The following FAM221B variants were observed in gnomAD, a reference collection of about 807,000 sequenced individuals.
The protein encoded by FAM221B is family with sequence similarity 221 member B, also known as protein FAM221B.
Under a neutral mutation model 39.8 loss-of-function variants are expected in FAM221B, and 35 were observed. The ratio of observed to expected loss-of-function variants is 0.88; its 90% CI spans 0.67 to 1.17. FAM221B has a LOEUF of 1.17. FAM221B is among the 50% of genes most tolerant of loss of function. FAM221B has a pLI of 0.00. For missense variants in FAM221B, 479 were observed against 503.1 expected, an observed-to-expected ratio of 0.95 and a Z score of 0.46; for synonymous variants, 158 against 178.1, an observed-to-expected ratio of 0.89 and a Z score of 0.90.
Position 35,826,175 on chromosome 9 carries a change from A to G in FAM221B, c.1-14T>C. On this transcript the variant is annotated splice_polypyrimidine_tract_variant and intron_variant, in intron 1 of 6. Transcript: ENST00000423537. Reference sequence around the variant, plus strand: ...ATGTGCTTCCATCTAGTGGTAGAACAGGGTACAGGCTTCATTAGGTTGGAA... The same window carrying G: ...ATGTGCTTCCATCTAGTGGTAGAACGGGGTACAGGCTTCATTAGGTTGGAA... 6.4e-7 allele frequency: 1 copy of G among 1,559,396 alleles called. No individual in the cohort carries two copies. The highest frequency in any genetic ancestry group is 2.2e-5 in the East Asian group (1 of 44,714).
chr9:35,818,917 T>G lies in FAM221B; in HGVS notation c.1144A>C (p.Thr382Pro), dbSNP rs1263424664. ...CGAGGCCTTCCTCCTCGTTGCCGGG[T>G]CTTCTGGGTGTCAAAGAAAGTCTCG... is the stretch of plus-strand genomic sequence containing the variant. ...EHETFFDTQK[T>P]RQRGGRPRGT... Residue 382 changes from threonine to proline, a missense_variant, in exon 6 of 7, where the codon ACC becomes CCC. Transcript: ENST00000423537. 2 of 1,551,916 alleles carry G rather than the reference T, an allele frequency of 1.3e-6. No individual in the cohort carries two copies. The highest frequency in any genetic ancestry group is 1.7e-6 in the Non-Finnish European group (2 of 1,147,066).
rs1032532700 is a variant in FAM221B, at chr9:35,826,174, C to G, written c.1-13G>C. The G allele has an allele frequency of 6.4e-7, 1 of 1,559,164 alleles. No individual in the cohort carries two copies. The highest frequency in any genetic ancestry group is 8.6e-7 in the Non-Finnish European group (1 of 1,156,422). ...CATGTGCTTCCATCTAGTGGTAGAA[C>G]AGGGTACAGGCTTCATTAGGTTGGA... On this transcript the variant is annotated splice_polypyrimidine_tract_variant and intron_variant, in intron 1 of 6. Coordinates refer to ENST00000423537, the MANE Select transcript of FAM221B (RefSeq NM_001012446.4).
chr9:35,822,687 G>A (rs1048228756), intron 3 of FAM221B, among the ~76,000 whole-genome samples: 1 of 152,192 alleles, frequency 6.6e-6, no homozygotes, highest in African/African-American at 2.4e-5. Flanking sequence ...GATTACAGGT[G>A]GTAGCCGCTG....
intron 3 of FAM221B, 51 bp from the exon 4 acceptor site, chr9:35,820,051 G>A (rs746774864): frequency 1.2e-5 from 16 of 1,378,652 alleles, no homozygotes; most frequent in African/African-American, 4.3e-5. Context: ...AAGCTCCCCC[G>A]AAGTGTTCTT....
chr9:35,820,317 A>G (rs1320015778), intron 3 of FAM221B, among the ~76,000 whole-genome samples: 1 of 152,220 alleles, frequency 6.6e-6, no homozygotes, highest in Non-Finnish European at 1.5e-5. Flanking sequence ...TTTGAGGATG[A>G]ACATGAATCT....
chr9:35,827,919 G>A (rs546741203), intron 1 of FAM221B, among the ~76,000 whole-genome samples: 1 of 152,246 alleles, frequency 6.6e-6, no homozygotes, highest in Non-Finnish European at 1.5e-5. Context: ...TAAGAGTGGA[G>A]AACCAGAAGA....
chr9:35,824,580 T>C (rs1378399295), intron 3 of FAM221B, among the ~76,000 whole-genome samples: 2 of 152,054 alleles, frequency 1.3e-5, no homozygotes, highest in African/African-American at 4.8e-5. Flanking sequence ...CTGGGGACTG[T>C]CCAGGGTCCT....
At position 35,819,887 on chromosome 9, in the gene FAM221B, T is replaced by C. The variant is rs1829109371; in HGVS notation, c.853+3A>G. 6.3e-7 allele frequency: 1 copy of C among 1,579,822 alleles called. No homozygotes were observed. The highest frequency in any genetic ancestry group is 8.7e-7 in the Non-Finnish European group (1 of 1,154,572). On this transcript the variant is annotated splice_donor_region_variant and intron_variant, in intron 4 of 6. Transcript: ENST00000423537. ...CGAGAGGGGCTGGTCAGTTCTCCCCTACCTGAGATGATCCGGTGCTCTCTC... is the reference window on the plus strand; with the variant it reads ...CGAGAGGGGCTGGTCAGTTCTCCCCCACCTGAGATGATCCGGTGCTCTCTC...
In FAM221B at chr9:35,825,132, G is replaced by A. The variant is rs1482242111; in HGVS notation, c.742+98C>T. ...GCAGGTGGTATAGCCATTTCCAAAAGGGGAAGCTATCTGCTGAATGTTCAG... is the reference window on the plus strand; with the variant it reads ...GCAGGTGGTATAGCCATTTCCAAAAAGGGAAGCTATCTGCTGAATGTTCAG... On this transcript the variant is annotated intron_variant, in intron 3 of 6. Coordinates refer to ENST00000423537, the MANE Select transcript of FAM221B (RefSeq NM_001012446.4). The surrounding 1 kb of genome is among the most constrained non-coding windows in gnomAD (Gnocchi z 4.2). 1.4e-6 allele frequency: 2 copies of A among 1,431,580 alleles called. No individual in the cohort carries two copies. Among genetic ancestry groups the A allele is most frequent in the Non-Finnish European group, 1.9e-6 (2 of 1,048,586 alleles). 88.7% of individuals were successfully genotyped at this position (1,431,580 alleles called of 1,614,324 possible).
In FAM221B at chr9:35,825,452, A is replaced by G. The variant is rs1588096459; in HGVS notation, c.599-79T>C. The G allele has an allele frequency of 1.4e-5, 22 of 1,597,782 alleles. No individual in the cohort carries two copies. In the East Asian group the frequency reaches 4.0e-4, roughly 29 times the overall value. On this transcript the variant is annotated intron_variant, in intron 2 of 6. Coordinates refer to ENST00000423537, the MANE Select transcript of FAM221B (RefSeq NM_001012446.4). This position sits in a 1 kb window ranked among gnomAD's most constrained non-coding sequence, Gnocchi z 4.2. ...AGAGAAGGGGCCATGTCCAAGAGTA[A>G]CCCAGTCTCCTCCTCCTGGGGCAAG...
At chr9:35,823,162 C>G (rs1484153991) in intron 3 of FAM221B, among the ~76,000 whole-genome samples, 2 of 152,248 alleles carry the variant, frequency 1.3e-5, no homozygotes, top group Non-Finnish European at 2.9e-5. Context: ...AGAAGTCATT[C>G]CTTCCAAGGC....
In FAM221B at chr9:35,828,326, AACAACAACT is replaced by A. The variant is rs1440651561; in HGVS notation, c.-1+128_-1+136del. On this transcript the variant is annotated intron_variant, in intron 1 of 6. Coordinates refer to ENST00000423537, the MANE Select transcript of FAM221B (RefSeq NM_001012446.4). This position sits in a 1 kb window ranked among gnomAD's most constrained non-coding sequence, Gnocchi z 4.5. ...CAACAACAACAACAACAACAACAAC[AACAACAACT>A]ACTACTACTACTACTACTACTACTA... is the stretch of plus-strand genomic sequence containing the variant. 3.0e-3 allele frequency: 422 copies of A among 139,394 alleles called. 4 individuals are homozygous for A. The highest frequency in any genetic ancestry group is 5.4e-3 in the African/African-American group (170 of 31,434). The allele number at this position is 139,394 out of a possible 1,614,324, so 8.6% of individuals were successfully genotyped here.
chr9:35,818,109 A>G lies in FAM221B; in HGVS notation c.*360T>C, dbSNP rs1202357495. 3.7e-5 allele frequency: 9 copies of G among 243,282 alleles called. No individual in the cohort carries two copies. The highest frequency in any genetic ancestry group is 2.0e-4 in the Admixed American group (4 of 19,830). The allele number at this position is 243,282 out of a possible 1,614,324, so 15.1% of individuals were successfully genotyped here. ...TCACTGCTGTTTGACTCCTGCCTCC[A>G]CTGCACCAGTGTGAAACTGCACTCT... On this transcript the variant is annotated 3_prime_UTR_variant, in exon 7 of 7. Coordinates refer to ENST00000423537, the MANE Select transcript of FAM221B (RefSeq NM_001012446.4).
chr9:35,819,903 G>A lies in FAM221B; in HGVS notation c.840C>T (p.His280=). Residue 280 remains histidine (H), a synonymous_variant, in exon 4 of 7, where the codon CAC becomes CAT. Transcript: ENST00000423537. The part of the protein sequence containing the change: ...RCFCGHLLRE[H]RIISDISVPC... ...GTTCTCCCCTACCTGAGATGATCCG[G>A]TGCTCTCTCAACAAGTGTCCACAAA... 6.2e-7 allele frequency: 1 copy of A among 1,612,798 alleles called. No individual in the cohort carries two copies.
intron 6 of FAM221B, 87 bp from the exon 7 acceptor site, chr9:35,818,593 C>T (rs748532323): frequency 2.2e-6 from 3 of 1,356,944 alleles, no homozygotes; most frequent in Non-Finnish European, 3.1e-6. Context: ...CCAGGGAGCC[C>T]CGGGGGACTA....
chr9:35,826,001 G>C lies in FAM221B; in HGVS notation c.161C>G (p.Ser54Cys). ...TSETPLEPHT[S>C]ESPLVPSPSQ... The stretch of plus-strand genomic sequence containing the variant: ...AGGGGATGGCACCAAAGGGGATTCA[G>C]AGGTATGGGGCTCTAACGGGGTCTC... Residue 54 changes from serine (S) to cysteine (C), a missense_variant, in exon 2 of 7, where the codon TCT (serine) becomes TGT (cysteine). Transcript: ENST00000423537. 6.2e-7 allele frequency: 1 copy of C among 1,614,126 alleles called. No homozygotes were observed. The highest frequency in any genetic ancestry group is 8.5e-7 in the Non-Finnish European group (1 of 1,180,018).
intron 3 of FAM221B, among the ~76,000 whole-genome samples, chr9:35,824,060 C>T (rs1240859797): frequency 6.6e-6 from 1 of 151,964 alleles, no homozygotes; most frequent in Admixed American, 6.5e-5. Flanking sequence ...GTGGAGGGTC[C>T]CTGCATGGGA....
intron 3 of FAM221B, among the ~76,000 whole-genome samples, chr9:35,821,809 G>A (rs1035943644): frequency 5.3e-5 from 8 of 152,226 alleles, no homozygotes; most frequent in Non-Finnish European, 1.0e-4. Context: ...TCTGTTACAA[G>A]TGTTAGTGCT....
intron 6 of FAM221B, 98 bp from the exon 7 acceptor site, chr9:35,818,604 G>C (rs1829065303): frequency 1.6e-6 from 2 of 1,282,086 alleles, no homozygotes; most frequent in Non-Finnish European, 2.2e-6. Flanking sequence ...CGGGGGACTA[G>C]GGTGGGAGCT....
Sources: gnomAD v4.1 joint callset for allele counts (sites outside exome capture counted in the v4.1 genomes callset) on GRCh38, gnomAD v4.1.1 for gene constraint, Gnocchi (gnomAD v3.1) non-coding constraint, MANE v1.5 for transcripts, NCBI Gene and HGNC (gene_info 2026-07-23, HGNC 2026-07-21) for gene names.